TENM1: variants seen among roughly 807,000 people sequenced by gnomAD.
The protein encoded by TENM1 is teneurin-1.
In TENM1, 35 loss-of-function variants were observed where a neutral mutation model predicts 174.8. That is an observed-to-expected ratio of 0.20 (90% CI 0.15 to 0.27). The LOEUF is 0.27. Among genes scored for constraint, TENM1 ranks in the 10% least tolerant of loss-of-function variants. The probability of loss-of-function intolerance (pLI) is 1.00; values close to 1 mark genes in which losing one functional copy is unlikely to be tolerated. For synonymous variants in TENM1, 781 were observed against 798.7 expected (o/e 0.98, Z 0.37); for missense variants, 1,633 against 2,130.1 (o/e 0.77, Z 4.59).
At chrX:124,964,501 C>T (rs775376432), upstream of TENM1, among the ~76,000 whole-genome samples, 11 of 111,446 alleles carry the variant, frequency 9.9e-5, no homozygotes, top group African/African-American at 3.3e-4. Context: ...GGTACAGCAA[C>T]AGCAGGATCT....
chrX:124,430,632 T>C (rs1227463065), intron 23 of TENM1, among the ~76,000 whole-genome samples: 2 of 112,060 alleles, frequency 1.8e-5, no homozygotes, highest in Non-Finnish European at 3.8e-5. Context: ...ATTGTTCTGT[T>C]CCTTGGCTAG....
chrX:124,715,801 A>C (rs1297122339), intron 4 of TENM1, among the ~76,000 whole-genome samples: 1 of 108,727 alleles, frequency 9.2e-6, no homozygotes, highest in Non-Finnish European at 1.9e-5. Flanking sequence ...TTTTCCACAG[A>C]CATGTCTTTT....
chrX:124,750,044 T>A (rs1222120482), intron 3 of TENM1, among the ~76,000 whole-genome samples: 1 of 112,148 alleles, frequency 8.9e-6, no homozygotes, highest in Non-Finnish European at 1.9e-5. Flanking sequence ...TTCAAAGAAT[T>A]CAGTGATGAC....
At chrX:124,724,413 C>T (rs1473118911) in intron 4 of TENM1, among the ~76,000 whole-genome samples, 1 of 111,507 alleles carries the variant, frequency 9.0e-6, no homozygotes, top group African/African-American at 3.3e-5. Flanking sequence ...AACATATTGG[C>T]AGAGTGTTAT....
intron 25 of TENM1, among the ~76,000 whole-genome samples, chrX:124,417,808 T>C (rs1162748979): frequency 8.9e-6 from 1 of 112,006 alleles, no homozygotes; most frequent in Non-Finnish European, 1.9e-5. Flanking sequence ...CCTTGTATAG[T>C]CTTCCCCTCT....
chrX:124,923,759 T>C (rs144989044), intron 1 of TENM1, among the ~76,000 whole-genome samples: 5,738 of 111,580 alleles, frequency 0.051, 319 homozygotes, highest in African/African-American at 0.17. Context: ...CAAATAGACA[T>C]GAAATCGCTG....
At chrX:125,194,075 C>G in the TENM1 span, among the ~76,000 whole-genome samples, 2 of 111,395 alleles carry the variant, frequency 1.8e-5, no homozygotes, top group Non-Finnish European at 3.8e-5. Flanking sequence ...GGAACCAGTG[C>G]GCCCAGCCAG....
chrX:124,421,670 A>G, intron 24 of TENM1, among the ~76,000 whole-genome samples: 1 of 107,920 alleles, frequency 9.3e-6, no homozygotes, highest in African/African-American at 3.4e-5. Flanking sequence ...TGGGTTATTG[A>G]GAAAGTCTTA....
intron 11 of TENM1, among the ~76,000 whole-genome samples, chrX:124,583,775 T>C (rs1191467773): frequency 9.1e-6 from 1 of 110,092 alleles, no homozygotes; most frequent in African/African-American, 3.3e-5. Context: ...GGCAAAGAAG[T>C]TGAAAACTTT....
chrX:125,150,597 A>G, the TENM1 span, among the ~76,000 whole-genome samples: 1 of 112,338 alleles, frequency 8.9e-6, no homozygotes, highest in African/African-American at 3.2e-5. Flanking sequence ...AGTGATACCT[A>G]ACCTAAAATA....
chrX:125,073,837 C>T, the TENM1 span, among the ~76,000 whole-genome samples: 8 of 111,393 alleles, frequency 7.2e-5, no homozygotes, highest in Admixed American at 6.7e-4. Context: ...TTCACCAGAC[C>T]CCATCATTGC....
At chrX:124,405,058 A>ATTGCCT (rs753421713) in exon 27 of TENM1, 74 of 1,209,294 alleles carry the variant, frequency 6.1e-5, no homozygotes, top group Non-Finnish European at 6.7e-5. Flanking sequence ...AAGCCGAAAC[A>ATTGCCT]TTGCCTTTGT....
At chrX:124,457,944 C>T (rs191113119) in intron 22 of TENM1, among the ~76,000 whole-genome samples, 2 of 111,837 alleles carry the variant, frequency 1.8e-5, no homozygotes, top group Non-Finnish European at 3.8e-5. Flanking sequence ...GCCCTAGCAA[C>T]AAGAAAACTG....
intron 4 of TENM1, among the ~76,000 whole-genome samples, chrX:124,721,752 T>C (rs1233487269): frequency 8.9e-6 from 1 of 112,382 alleles, no homozygotes; most frequent in East Asian, 2.8e-4. Context: ...ATGAATGTGT[T>C]ATTAAAATTT....
chrX:124,496,573 G>A (rs764586990), intron 20 of TENM1, among the ~76,000 whole-genome samples: 18 of 111,539 alleles, frequency 1.6e-4, no homozygotes, highest in East Asian at 2.8e-4. Context: ...CCAGATTTCC[G>A]TTTTCTTGTT....
intron 23 of TENM1, among the ~76,000 whole-genome samples, chrX:124,443,668 A>G (rs2060934954): frequency 1.8e-5 from 2 of 112,073 alleles, no homozygotes; most frequent in African/African-American, 6.5e-5. Context: ...AAGATCTTCA[A>G]TTGTATTATG....
chrX:124,520,902 T>A, intron 17 of TENM1, 118 bp from the exon 21 acceptor site: 2 of 653,365 alleles, frequency 3.1e-6, no homozygotes, highest in Admixed American at 8.0e-5. Context: ...CTTAAACAGG[T>A]CTAAGGACGT....
At chrX:124,687,757 T>C (rs1265457225) in intron 5 of TENM1, among the ~76,000 whole-genome samples, 1 of 111,572 alleles carries the variant, frequency 9.0e-6, no homozygotes, top group African/African-American at 3.3e-5. Context: ...CACCAAAAAG[T>C]GGGCAAAGGA....
At chrX:124,750,574 AAG>A (rs756671974) in intron 3 of TENM1, among the ~76,000 whole-genome samples, 3 of 111,911 alleles carry the variant, frequency 2.7e-5, no homozygotes, top group Non-Finnish European at 3.8e-5. Flanking sequence ...GTTTGAAAAA[AAG>A]AGTCATTATT....
Sources: gnomAD v4.1 joint callset for allele counts (sites outside exome capture counted in the v4.1 genomes callset) on GRCh38, gnomAD v4.1.1 for gene constraint, MANE v1.5 for transcripts, NCBI Gene and HGNC (gene_info 2026-07-23, HGNC 2026-07-21) for gene names.